ERC1: variants seen among roughly 807,000 people sequenced by gnomAD.
ERC1 encodes RAB6 interacting protein 2.
A neutral mutation model predicts 132.0 loss-of-function variants in ERC1; 56 were observed. The ratio of observed to expected loss-of-function variants is 0.42; its 90% CI spans 0.34 to 0.53. The LOEUF (loss-of-function observed/expected upper bound fraction) is 0.53, where lower values mean the gene tolerates loss of function less well. Among genes scored for constraint, ERC1 ranks in the 20% least tolerant of loss-of-function variants. ERC1 has a pLI of 0.03. For synonymous variants in ERC1, 478 were observed against 476.1 expected, an observed-to-expected ratio of 1.00 and a Z score of -0.05; for missense variants, 1,202 against 1,349.9, an observed-to-expected ratio of 0.89 and a Z score of 1.72.
chr12:1,227,298 T>G (rs2074658990), intron 12 of ERC1, among the ~76,000 whole-genome samples: 1 of 152,224 alleles, frequency 6.6e-6, no homozygotes. Context: ...ACTTGTTATC[T>G]TTTGTCTTTT....
At chr12:1,243,578 C>T (rs2075973738) in intron 13 of ERC1, among the ~76,000 whole-genome samples, 2 of 152,188 alleles carry the variant, frequency 1.3e-5, no homozygotes, top group African/African-American at 2.4e-5. Flanking sequence ...TTTAATTTTT[C>T]CGGTAGGATT....
At chr12:1,484,861 G>T (rs2094176954) in intron 18 of ERC1, among the ~76,000 whole-genome samples, 2 of 151,442 alleles carry the variant, frequency 1.3e-5, no homozygotes, top group Admixed American at 1.3e-4. Context: ...GGGATTACAG[G>T]CGTGAGCCAC....
intron 6 of ERC1, among the ~76,000 whole-genome samples, chr12:1,115,325 T>C (rs1043345602): frequency 1.3e-5 from 2 of 152,196 alleles, no homozygotes; most frequent in South Asian, 4.1e-4. Context: ...TAAAAGTGGC[T>C]TTTTAAGATA....
At chr12:999,702 T>C (rs1046063826) in intron 1 of ERC1, among the ~76,000 whole-genome samples, 18 of 147,748 alleles carry the variant, frequency 1.2e-4, no homozygotes, top group African/African-American at 4.5e-4. Flanking sequence ...TTCAAACGAT[T>C]CCCCTGCCTC....
chr12:1,344,093 G>A (rs181868080), intron 15 of ERC1, among the ~76,000 whole-genome samples: 146 of 152,174 alleles, frequency 9.6e-4, no homozygotes, highest in African/African-American at 3.3e-3. Context: ...CCCCCACTTC[G>A]GCCTCCCAAA....
intron 8 of ERC1, among the ~76,000 whole-genome samples, chr12:1,178,691 A>G (rs2154269347): frequency 6.6e-6 from 1 of 152,314 alleles, no homozygotes; most frequent in East Asian, 1.9e-4. Flanking sequence ...CACGTAGAAA[A>G]ATCAGGTAGT....
In ERC1 at chr12:1,129,007, A is replaced by G. The variant is rs1323386724; in HGVS notation, c.1570-12613A>G. On this transcript the variant is annotated intron_variant, in intron 7 of 18. Coordinates refer to ENST00000360905, the MANE Select transcript of ERC1 (RefSeq NM_178040.4). ...TGTAAATTGAGCCCAACTTATATGTAGGAGTTTCAGGAGTGGATAAAGAGA... is the reference window on the plus strand; with the variant it reads ...TGTAAATTGAGCCCAACTTATATGTGGGAGTTTCAGGAGTGGATAAAGAGA... Among the ~76,000 whole-genome samples the G allele has an allele frequency of 3.9e-5, 6 of 152,322 alleles. No individual in the cohort carries two copies. In the East Asian group the frequency reaches 9.6e-4, roughly 24 times the overall value.
intron 16 of ERC1, among the ~76,000 whole-genome samples, chr12:1,402,915 G>T (rs1300952854): frequency 6.7e-6 from 1 of 149,268 alleles, no homozygotes; most frequent in Non-Finnish European, 1.5e-5. Context: ...TGAACTCTCA[G>T]ATTTTTTTTA....
rs115072814 is a variant in ERC1 at position 1,163,112 on chromosome 12, A to C, written c.1738-17428A>C. Among the ~76,000 whole-genome samples the C allele has an allele frequency of 3.5e-3, 538 of 152,316 alleles. 8 individuals carry two copies. Among genetic ancestry groups the C allele is most frequent in the African/African-American group, 0.013 (520 of 41,572 alleles). Reference sequence around the variant, plus strand: ...ACAACTTTTTTTCCCCTCCCTTTTTAAAAGTAAACCTTAAGGAAGTGGAGA... The same window carrying C: ...ACAACTTTTTTTCCCCTCCCTTTTTCAAAGTAAACCTTAAGGAAGTGGAGA... On this transcript the variant is annotated intron_variant, in intron 8 of 18. Coordinates refer to ENST00000360905, the MANE Select transcript of ERC1 (RefSeq NM_178040.4).
chr12:1,195,498 C>T (rs189405777), intron 12 of ERC1, among the ~76,000 whole-genome samples: 22 of 152,240 alleles, frequency 1.4e-4, no homozygotes, highest in African/African-American at 4.6e-4. Flanking sequence ...TGACTAGTTT[C>T]GCATTGAGCA....
intron 1 of ERC1, among the ~76,000 whole-genome samples, chr12:1,004,315 C>T (rs187661351): frequency 6.6e-6 from 1 of 152,042 alleles, no homozygotes; most frequent in Non-Finnish European, 1.5e-5. Flanking sequence ...ATGCTTCCCC[C>T]CCTTTCAACC....
intron 16 of ERC1, chr12:1,380,223 C>T (rs1223208129): frequency 2.6e-5 from 4 of 152,226 alleles, no homozygotes; most frequent in African/African-American, 7.2e-5. Flanking sequence ...TTTCACTCCT[C>T]TGCCTTCTTC....
In ERC1 at chr12:1,287,787, T is replaced by C. The variant is rs111610406; in HGVS notation, c.2620-2065T>C. On this transcript the variant is annotated intron_variant, in intron 14 of 18. Coordinates refer to ENST00000360905, the MANE Select transcript of ERC1 (RefSeq NM_178040.4). ...CTTTCCTGGGTCTCCAGCTTGCCAG[T>C]TCACCCTATAGATCTTGTGATTCAT... is the stretch of plus-strand genomic sequence containing the variant. 5.9e-3 allele frequency among the ~76,000 whole-genome samples: 897 copies of C among 152,324 alleles called. 15 individuals carry two copies. The highest frequency in any genetic ancestry group is 0.02 in the African/African-American group (843 of 41,572).
At chr12:1,211,032 T>G (rs1957819144) in intron 12 of ERC1, among the ~76,000 whole-genome samples, 5 of 151,972 alleles carry the variant, frequency 3.3e-5, no homozygotes, top group Admixed American at 3.3e-4. Context: ...GTATTACAAA[T>G]TTCAATGTTT....
intron 11 of ERC1, 133 bp downstream of exon 11, chr12:1,183,554 GAATT>G (rs1336600098): frequency 1.2e-5 from 6 of 482,234 alleles, no homozygotes; most frequent in African/African-American, 2.0e-5. Flanking sequence ...ATGTATATCT[GAATT>G]AATTATCTTA....
intron 8 of ERC1, among the ~76,000 whole-genome samples, chr12:1,159,421 G>C (rs1292490403): frequency 2.0e-5 from 3 of 152,140 alleles, no homozygotes; most frequent in South Asian, 4.1e-4. Context: ...AGCTCAGGTG[G>C]TCACGCTCAC....
intron 8 of ERC1, among the ~76,000 whole-genome samples, chr12:1,154,354 T>TACACACACACACACAC (rs35510985): frequency 9.5e-4 from 139 of 145,832 alleles, no homozygotes; most frequent in Middle Eastern, 3.6e-3. Flanking sequence ...TGTGTGTTTA[T>TACACACACACACACAC]ACACACACAC....
chr12:1,233,287 A>C (rs1438798897), intron 12 of ERC1, among the ~76,000 whole-genome samples: 1 of 152,054 alleles, frequency 6.6e-6, no homozygotes. Context: ...CTTGGCCCAC[A>C]TGGTGAAACC....
At position 1,196,462 on chromosome 12, in the gene ERC1, T is replaced by TG. The variant is rs1196991337; in HGVS notation, c.2351+6417dup. Among the ~76,000 whole-genome samples the TG allele has an allele frequency of 1.3e-4, 20 of 151,752 alleles. No homozygotes were observed. The East Asian group carries it at 2.3e-3, about 18-fold the overall frequency. ...CTGTCTACATCATGACTTTTTGGGT[T>TG]GGGGGGGTATGTGTTGGAAAGGTTT... On this transcript the variant is annotated intron_variant, in intron 12 of 18. Transcript: ENST00000360905.
Sources: gnomAD v4.1 joint callset for allele counts (sites outside exome capture counted in the v4.1 genomes callset) on GRCh38, gnomAD v4.1.1 for gene constraint, MANE v1.5 for transcripts, NCBI Gene and HGNC (gene_info 2026-07-23, HGNC 2026-07-21) for gene names.